The following OSTF1 variants were observed in gnomAD, a reference collection of about 807,000 sequenced individuals.
OSTF1 encodes osteoclast-stimulating factor 1.
OSTF1 carries 27 observed loss-of-function variants against 37.2 expected under a neutral mutation model. That is an observed-to-expected ratio of 0.73 (90% CI 0.54 to 1.00). OSTF1 has a LOEUF of 1.00. Among genes scored for constraint, OSTF1 ranks in the 50% least tolerant of loss-of-function variants. OSTF1 has a pLI of 0.00. For missense variants in OSTF1, 232 were observed against 253.8 expected (o/e 0.91, Z 0.58); for synonymous variants, 82 against 89.2 (o/e 0.92, Z 0.46).
chr9:75,147,224 C>T lies in OSTF1; in HGVS notation c.*483C>T, dbSNP rs1054186119. On this transcript the variant is annotated 3_prime_UTR_variant, in exon 10 of 10. Coordinates refer to ENST00000346234, the MANE Select transcript of OSTF1 (RefSeq NM_012383.5). ...TTTCTTTTGTCCGTTTCTGTGGTAT[C>T]ACTCATTGTCGTTAAGTAAGTAAAG... is the stretch of plus-strand genomic sequence containing the variant. 6.6e-6 allele frequency: 1 copy of T among 152,072 alleles called. No homozygotes were observed. Among genetic ancestry groups the T allele is most frequent in the African/African-American group, 2.4e-5 (1 of 41,378 alleles). 9.4% of individuals were successfully genotyped at this position (152,072 alleles called of 1,614,324 possible).
chr9:75,129,760 G>T (rs1203061005), intron 3 of OSTF1, among the ~76,000 whole-genome samples: 2 of 152,154 alleles, frequency 1.3e-5, no homozygotes, highest in Non-Finnish European at 2.9e-5. Flanking sequence ...AAAGAATGGA[G>T]AGACAACCTA....
intron 2 of OSTF1, among the ~76,000 whole-genome samples, chr9:75,121,917 C>G (rs1040961776): frequency 6.6e-6 from 1 of 152,200 alleles, no homozygotes; most frequent in Non-Finnish European, 1.5e-5. Flanking sequence ...CCTGTTCCCC[C>G]TCAGGAGATG....
rs559994072 is a variant in OSTF1 at position 75,088,721 on chromosome 9, A to G, written c.29A>G (p.Lys10Arg). 2 of 1,609,048 alleles carry G rather than the reference A, an allele frequency of 1.2e-6. No homozygotes were observed. Among genetic ancestry groups the G allele is most frequent in the East Asian group, 4.5e-5 (2 of 44,560 alleles). Reference sequence around the variant, plus strand: ...TCGAAGCCGCCACCCAAACCAGTCAAACCAGGTGAGGGAGGTAAGGTAGGC... The same window carrying G: ...TCGAAGCCGCCACCCAAACCAGTCAGACCAGGTGAGGGAGGTAAGGTAGGC... Reference protein sequence around the residue: MSKPPPKPVKPGQVKVFRAL... With the variant: MSKPPPKPVRPGQVKVFRAL... The change falls in exon 1 of 10, where the codon AAA becomes AGA. Residue 10 changes from lysine to arginine, a missense_variant. Physicochemically the swap from Lys to Arg is conservative, Grantham distance 26. Coordinates refer to ENST00000346234, the MANE Select transcript of OSTF1 (RefSeq NM_012383.5).
chr9:75,131,589 T>C lies in OSTF1; in HGVS notation c.197-181T>C, dbSNP rs114492477. 1.2e-3 allele frequency among the ~76,000 whole-genome samples: 188 copies of C among 152,316 alleles called. 2 individuals are homozygous for C. The highest frequency in any genetic ancestry group is 4.3e-3 in the African/African-American group (179 of 41,560). ...GTTTCCCTAAACACATAATTCAGCT[T>C]CATTTAATGCAAGAACTATCCATTT... On this transcript the variant is annotated intron_variant, in intron 4 of 9. Coordinates refer to ENST00000346234, the MANE Select transcript of OSTF1 (RefSeq NM_012383.5).
At chr9:75,101,751 A>G (rs934315887) in intron 1 of OSTF1, among the ~76,000 whole-genome samples, 1 of 152,152 alleles carries the variant, frequency 6.6e-6, no homozygotes, top group Non-Finnish European at 1.5e-5. Context: ...GCCCCTGTGT[A>G]TCTGTTGGGT....
chr9:75,118,406 G>C (rs1825526236), intron 2 of OSTF1, among the ~76,000 whole-genome samples: 1 of 152,116 alleles, frequency 6.6e-6, no homozygotes, highest in South Asian at 2.1e-4. Flanking sequence ...TCCGAGAGTT[G>C]GGGTGGACTG....
chr9:75,097,272 G>A (rs1825103733), intron 1 of OSTF1, among the ~76,000 whole-genome samples: 1 of 152,176 alleles, frequency 6.6e-6, no homozygotes, highest in East Asian at 1.9e-4. Flanking sequence ...GAAATGTGAG[G>A]TAGGAGTCAC....
intron 1 of OSTF1, among the ~76,000 whole-genome samples, chr9:75,091,081 CTTTT>C (rs35343834): frequency 4.3e-5 from 4 of 93,688 alleles, no homozygotes; most frequent in Non-Finnish European, 8.0e-5. Context: ...GAAGTCTGCA[CTTTT>C]TTTTTTTTTT....
chr9:75,112,003 T>G (rs1335229440), intron 1 of OSTF1, among the ~76,000 whole-genome samples: 4 of 151,636 alleles, frequency 2.6e-5, no homozygotes, highest in African/African-American at 9.7e-5. Context: ...TTTTGTATCT[T>G]TAGTAGAGGT....
chr9:75,113,513 A>G lies in OSTF1; in HGVS notation c.35-3991A>G, dbSNP rs570976564. ...GCCCAAGCTGGAGTGCAGTGGTGCA[A>G]TCTTGGCTCACTGCAACCTCCGCCT... On this transcript the variant is annotated intron_variant, in intron 1 of 9. Coordinates refer to ENST00000346234, the MANE Select transcript of OSTF1 (RefSeq NM_012383.5). 5.3e-5 allele frequency among the ~76,000 whole-genome samples: 8 copies of G among 150,872 alleles called. No individual in the cohort carries two copies. The South Asian group carries it at 1.3e-3, about 24-fold the overall frequency.
At chr9:75,103,967 G>A (rs1206505744) in intron 1 of OSTF1, among the ~76,000 whole-genome samples, 1 of 152,166 alleles carries the variant, frequency 6.6e-6, no homozygotes, top group African/African-American at 2.4e-5. Flanking sequence ...TATGGCTCAT[G>A]CCTGTAATCC....
chr9:75,136,306 C>A (rs11144247), intron 7 of OSTF1, among the ~76,000 whole-genome samples: 1 of 151,816 alleles, frequency 6.6e-6, no homozygotes. Flanking sequence ...GTGTTTTTTC[C>A]CTTTGAGATC....
chr9:75,138,730 C>T (rs1025433592), intron 8 of OSTF1, among the ~76,000 whole-genome samples: 1 of 151,948 alleles, frequency 6.6e-6, no homozygotes, highest in Admixed American at 6.6e-5. Flanking sequence ...CTAAAGGGAC[C>T]CAGGAAATAG....
chr9:75,106,990 A>G (rs1432235156), intron 1 of OSTF1, among the ~76,000 whole-genome samples: 1 of 140,412 alleles, frequency 7.1e-6, no homozygotes, highest in Non-Finnish European at 1.5e-5. Flanking sequence ...AAAAAAAGAA[A>G]AAAAAAAAAA....
chr9:75,140,163 T>C (rs1395153189), intron 8 of OSTF1, among the ~76,000 whole-genome samples: 1 of 152,204 alleles, frequency 6.6e-6, no homozygotes, highest in Non-Finnish European at 1.5e-5. Context: ...AATATGTGTA[T>C]GAATGCACTG....
At chr9:75,092,820 G>C (rs750386018) in intron 1 of OSTF1, among the ~76,000 whole-genome samples, 1 of 151,918 alleles carries the variant, frequency 6.6e-6, no homozygotes, top group South Asian at 2.1e-4. Context: ...AAGGCTATAC[G>C]GTATTGCCTG....
chr9:75,141,456 C>T (rs1449444956), intron 9 of OSTF1, among the ~76,000 whole-genome samples: 1 of 151,610 alleles, frequency 6.6e-6, no homozygotes, highest in East Asian at 1.9e-4. Flanking sequence ...AATCTTTTAC[C>T]TTTATTGTGT....
chr9:75,108,648 G>A (rs1182469632), intron 1 of OSTF1, among the ~76,000 whole-genome samples: 1 of 152,094 alleles, frequency 6.6e-6, no homozygotes, highest in Non-Finnish European at 1.5e-5. Flanking sequence ...TGTATTCTTT[G>A]TGGGACTACT....
intron 1 of OSTF1, among the ~76,000 whole-genome samples, chr9:75,097,252 A>G (rs1224029876): frequency 3.9e-5 from 6 of 152,186 alleles, no homozygotes; most frequent in African/African-American, 7.2e-5. Flanking sequence ...ACCTGGGCCT[A>G]TCCGAAGCTG....
Sources: allele counts gnomAD v4.1 joint callset (sites outside exome capture counted in the v4.1 genomes callset), GRCh38; gene constraint gnomAD v4.1.1; transcripts MANE v1.5; gene names NCBI Gene and HGNC (gene_info 2026-07-23, HGNC 2026-07-21).